The following MCM3AP variants were observed in gnomAD, a reference collection of about 807,000 sequenced individuals.
MCM3AP encodes germinal-center associated nuclear protein.
Under a neutral mutation model 184.1 loss-of-function variants are expected in MCM3AP, and 126 were observed. The observed-to-expected ratio is 0.68, with a 90% CI of 0.59 to 0.79. The LOEUF (loss-of-function observed/expected upper bound fraction) is 0.79, where lower values mean the gene tolerates loss of function less well. Ranked by LOEUF, MCM3AP falls within the 30% of genes least tolerant of loss-of-function variation. MCM3AP has a pLI of 0.00. For synonymous variants in MCM3AP, 1,002 were observed against 979.3 expected (o/e 1.02, Z -0.43); for missense variants, 2,496 against 2,479.2 (o/e 1.01, Z -0.14).
chr21:46,262,614 C>T (rs1261121939), intron 13 of MCM3AP, among the ~76,000 whole-genome samples: 2 of 151,354 alleles, frequency 1.3e-5, no homozygotes, highest in Non-Finnish European at 2.9e-5. Context: ...TGCTTCTGCA[C>T]TCGGGTCTAG....
chr21:46,275,294 C>T lies in MCM3AP; in HGVS notation c.1890G>A (p.Ala630=), dbSNP rs780980138. The T allele has an allele frequency of 8.7e-6, 14 of 1,613,928 alleles. No homozygotes were observed. Among genetic ancestry groups the T allele is most frequent in the East Asian group, 4.5e-5 (2 of 44,890 alleles). ...ARVKRTDLDK[A]RTFVGTCLDM... ...CCAGGCAGGTGCCAACAAAAGTCCTCGCTTTGTCCAGATCGGTTCTCTTCA... is the reference window on the plus strand; with the variant it reads ...CCAGGCAGGTGCCAACAAAAGTCCTTGCTTTGTCCAGATCGGTTCTCTTCA... Residue 630 remains alanine, a synonymous_variant, in exon 6 of 28, where the codon GCG becomes GCA. Coordinates refer to ENST00000291688, the MANE Select transcript of MCM3AP (RefSeq NM_003906.5).
At position 46,284,050 on chromosome 21, in the gene MCM3AP, T is replaced by G. The variant is rs199582252; in HGVS notation, c.1219+18A>C. The G allele has an allele frequency of 2.8e-5, 45 of 1,605,194 alleles. No homozygotes were observed. Among genetic ancestry groups the G allele is most frequent in the Non-Finnish European group, 5.1e-6 (6 of 1,175,248 alleles). ...TGCCTGCAGGATTTACTCTATGTGCTACATTTTCAGAGCTCACCTTCTTTC... is the reference window on the plus strand; with the variant it reads ...TGCCTGCAGGATTTACTCTATGTGCGACATTTTCAGAGCTCACCTTCTTTC... On this transcript the variant is annotated intron_variant, in intron 1 of 27. Coordinates refer to ENST00000291688, the MANE Select transcript of MCM3AP (RefSeq NM_003906.5).
chr21:46,235,549 G>A, intron 27 of MCM3AP, 123 bp from the exon 28 acceptor site: 1 of 779,692 alleles, frequency 1.3e-6, no homozygotes, highest in South Asian at 1.8e-5. Flanking sequence ...TATTTTTACA[G>A]AGGGAAAAAA....
At position 46,267,001 on chromosome 21, in the gene MCM3AP, C is replaced by T. The variant is rs536171070; in HGVS notation, c.2770G>A (p.Gly924Ser). The T allele has an allele frequency of 4.3e-6, 7 of 1,614,120 alleles. No individual in the cohort carries two copies. Among genetic ancestry groups the T allele is most frequent in the African/African-American group, 4.0e-5 (3 of 75,044 alleles). The change falls in exon 10 of 28, where the codon GGC (glycine) becomes AGC (serine). Residue 924 changes from glycine (G) to serine (S), a missense_variant. Transcript: ENST00000291688. Reference protein sequence around the residue: ...EEATDFLTCHGLTVSDGCVEL... With the variant: ...EEATDFLTCHSLTVSDGCVEL... ...TCTTACCCGTCGGAAACGGTGAGGC[C>T]GTGGCAGGTGAGGAAGTCGGTGGCC...
chr21:46,241,792 A>C (rs1410601628), intron 25 of MCM3AP: 3 of 152,254 alleles, frequency 2.0e-5, no homozygotes, highest in Non-Finnish European at 4.4e-5. Context: ...TTGCACATAC[A>C]GGCCCTGAGA....
chr21:46,274,757 A>G (rs1009652004), intron 6 of MCM3AP, among the ~76,000 whole-genome samples: 1 of 151,940 alleles, frequency 6.6e-6, no homozygotes, highest in Admixed American at 6.6e-5. Context: ...GCAACACGGC[A>G]AGACCCCATC....
intron 24 of MCM3AP, 96 bp from the exon 25 acceptor site, chr21:46,243,027 A>G: frequency 8.6e-7 from 1 of 1,163,492 alleles, no homozygotes; most frequent in East Asian, 2.4e-5. Flanking sequence ...AAACAGGTAC[A>G]AATAATATTT....
In MCM3AP at chr21:46,237,347, C is replaced by T. The variant is rs545177514; in HGVS notation, c.5634-368G>A. On this transcript the variant is annotated intron_variant, in intron 26 of 27. Transcript: ENST00000291688. ...TGAACTCCTGACCTCAGGTGATCCACCCACCTCGGCCTCCCAAAGTGCTGG... is the reference window on the plus strand; with the variant it reads ...TGAACTCCTGACCTCAGGTGATCCATCCACCTCGGCCTCCCAAAGTGCTGG... Among the ~76,000 whole-genome samples, 341 of 152,240 alleles carry T rather than the reference C, an allele frequency of 2.2e-3. 1 individual carries two copies. The highest frequency in any genetic ancestry group is 4.1e-3 in the Non-Finnish European group (279 of 68,020).
At chr21:46,243,990 A>G (rs2080721206) in intron 23 of MCM3AP, among the ~76,000 whole-genome samples, 1 of 152,180 alleles carries the variant, frequency 6.6e-6, no homozygotes, top group South Asian at 2.1e-4. Flanking sequence ...GGAAATCTGT[A>G]TTTTAACAAG....
Position 46,267,087 on chromosome 21 carries a change from C to G in MCM3AP, c.2684G>C (p.Arg895Pro). ...ACCATCCAGGGGAAAGATGGTAGAT[C>G]GCTGTGTGCTCACCGTGTACGCAAA... ...LNFAYTVSTQRSTIFPLDGVV... is the reference protein window; with the variant it reads ...LNFAYTVSTQPSTIFPLDGVV... The change falls in exon 10 of 28, where the codon CGA (arginine) becomes CCA (proline). Residue 895 changes from arginine (R) to proline (P), a missense_variant. Arg to Pro is a moderately radical substitution (Grantham distance 103). Around this residue, in one of 5 missense-constraint regions of MCM3AP, gnomAD observed 138 missense variants for 191.9 expected, o/e 0.72. Transcript: ENST00000291688. The G allele has an allele frequency of 6.2e-7, 1 of 1,614,086 alleles. No individual in the cohort carries two copies. Among genetic ancestry groups the G allele is most frequent in the Non-Finnish European group, 8.5e-7 (1 of 1,179,970 alleles).
intron 25 of MCM3AP, 143 bp from the exon 26 acceptor site, chr21:46,241,160 A>C: frequency 7.9e-5 from 52 of 659,890 alleles, no homozygotes; most frequent in East Asian, 1.3e-4. Context: ...GGAACAGCTC[A>C]TGCTGGCCCC....
rs769005385 is a variant in MCM3AP, at chr21:46,243,480, G to A, written c.5281C>T (p.Leu1761Phe). ...HKLRDWTPPR[L>F]PVTSEALSED... ...CTCTAATTACCTGATGTAACAGGAA[G>A]CCGGGGGGGCGTCCAGTCTCTCAGC... Residue 1761 changes from leucine to phenylalanine, a missense_variant, in exon 24 of 28, where the codon CTT becomes TTT. Physicochemically the swap from Leu to Phe is conservative, Grantham distance 22. Around this residue, in one of 5 missense-constraint regions of MCM3AP, gnomAD observed 1,323 missense variants for 1,273.4 expected, o/e 1.04. Coordinates refer to ENST00000291688, the MANE Select transcript of MCM3AP (RefSeq NM_003906.5). The A allele has an allele frequency of 6.2e-7, 1 of 1,610,678 alleles. No individual in the cohort carries two copies. The highest frequency in any genetic ancestry group is 8.5e-7 in the Non-Finnish European group (1 of 1,177,850).
chr21:46,263,780 CAAAAAAAAAAAA>C (rs57674256), intron 13 of MCM3AP, among the ~76,000 whole-genome samples: 5 of 28,314 alleles, frequency 1.8e-4, no homozygotes, highest in South Asian at 3.3e-3. Context: ...GACTCCATCT[CAAAAAAAAAAAA>C]AAAAAAAAAA....
rs1267434043 is a variant in MCM3AP, at chr21:46,261,409, A to G, written c.3338T>C (p.Val1113Ala). 1 of 1,613,990 alleles carries G rather than the reference A, an allele frequency of 6.2e-7. No homozygotes were observed. The highest frequency in any genetic ancestry group is 2.2e-5 in the East Asian group (1 of 44,884). Residue 1113 changes from valine (V) to alanine (A), a missense_variant and splice_region_variant, in exon 14 of 28, where the codon GTT (valine) becomes GCT (alanine). Val to Ala is a moderately conservative substitution (Grantham distance 64, BLOSUM62 0). Around this residue, in one of 5 missense-constraint regions of MCM3AP, gnomAD observed 1,323 missense variants for 1,273.4 expected, o/e 1.04. Coordinates refer to ENST00000291688, the MANE Select transcript of MCM3AP (RefSeq NM_003906.5). Reference sequence around the variant, plus strand: ...CAAATCCTCCATAGCAGCATTAGAAACACTAAACGGAGCAAAGGGGATAGC... The same window carrying G: ...CAAATCCTCCATAGCAGCATTAGAAGCACTAAACGGAGCAAAGGGGATAGC... ...GAAYAAAALG[V>A]SNAAMEDLLT...
Position 46,251,576 on chromosome 21 carries a change from G to A in MCM3AP, c.4243C>T (p.Leu1415Phe), listed in dbSNP as rs1280727692. 13 of 1,612,762 alleles carry A rather than the reference G, an allele frequency of 8.1e-6. No individual in the cohort carries two copies. In the Admixed American group the frequency reaches 1.3e-4, roughly 17 times the overall value. ...ATCATCTGATCCCCTTTGCTGCTAA[G>A]TGAGTTGAAAAGCGAAAGCGTCTGA... The part of the protein sequence containing the change: ...GIQTLSLFNS[L>F]SSKGDQMISV... Residue 1415 changes from leucine (L) to phenylalanine (F), a missense_variant, in exon 20 of 28, where the codon CTT becomes TTT. Coordinates refer to ENST00000291688, the MANE Select transcript of MCM3AP (RefSeq NM_003906.5).
chr21:46,245,550 A>G (rs1364788147), intron 22 of MCM3AP, among the ~76,000 whole-genome samples: 2 of 152,204 alleles, frequency 1.3e-5, no homozygotes, highest in African/African-American at 4.8e-5. Context: ...TGGAAGGACT[A>G]ACAGCTTCAC....
At position 46,256,939 on chromosome 21, in the gene MCM3AP, C is replaced by G. The variant is rs150680624; in HGVS notation, c.3782G>C (p.Arg1261Pro). 1 of 1,612,178 alleles carries G rather than the reference C, an allele frequency of 6.2e-7. No individual in the cohort carries two copies. The highest frequency in any genetic ancestry group is 1.3e-5 in the African/African-American group (1 of 74,908). Reference sequence around the variant, plus strand: ...GCAGCAGGGCGCAGCAGGGAAAGCCCGCATTTGGCGCCTCAGTTTCTTGCG... The same window carrying G: ...GCAGCAGGGCGCAGCAGGGAAAGCCGGCATTTGGCGCCTCAGTTTCTTGCG... ...TARKKLRRQM[R>P]AFPAAPCCVD... The change falls in exon 17 of 28, where the codon CGG becomes CCG. Residue 1261 changes from arginine (R) to proline (P), a missense_variant. By Grantham distance (103) the Arg-to-Pro change is moderately radical. Transcript: ENST00000291688.
chr21:46,240,214 T>A (rs2080633433), intron 26 of MCM3AP, among the ~76,000 whole-genome samples: 1 of 151,966 alleles, frequency 6.6e-6, no homozygotes, highest in Non-Finnish European at 1.5e-5. Context: ...AGCTGCATGG[T>A]TCGTTTCCAG....
chr21:46,278,736 C>G (rs1289812112), intron 4 of MCM3AP, among the ~76,000 whole-genome samples: 1 of 151,782 alleles, frequency 6.6e-6, no homozygotes, highest in Non-Finnish European at 1.5e-5. Flanking sequence ...TGCAGTGGCG[C>G]AATCTCGGCT....
Sources: allele counts gnomAD v4.1 joint callset (sites outside exome capture counted in the v4.1 genomes callset), GRCh38; gene constraint gnomAD v4.1.1; regional missense constraint gnomAD v4.1.1; transcripts MANE v1.5; gene names NCBI Gene and HGNC (gene_info 2026-07-23, HGNC 2026-07-21).